Variants in BRI3 observed in about 807,000 individuals in gnomAD.
BRI3 encodes brain protein I3.
A neutral mutation model predicts 12.8 loss-of-function variants in BRI3; 6 were observed. The ratio of observed to expected loss-of-function variants is 0.47; its 90% confidence interval spans 0.26 to 0.93. BRI3 has a LOEUF of 0.93. Among genes scored for constraint, BRI3 ranks in the 40% least tolerant of loss-of-function variants. The pLI is 0.15. For missense variants in BRI3, 134 were observed against 171.1 expected (o/e 0.78, Z 1.21); for synonymous variants, 91 against 76.1 (o/e 1.20, Z -1.02).
At chr7:98,313,241 T>C (rs1800941567), downstream of BRI3, among the ~76,000 whole-genome samples, 1 of 152,014 alleles carries the variant, frequency 6.6e-6, no homozygotes, top group Non-Finnish European at 1.5e-5. Context: ...TGAGGCGCTT[T>C]AGCTGAATTA....
At chr7:98,302,468 G>A (rs769014384), upstream of BRI3, among the ~76,000 whole-genome samples, 18 of 152,140 alleles carry the variant, frequency 1.2e-4, no homozygotes, top group African/African-American at 4.1e-4. Flanking sequence ...ACGTCCACAC[G>A]TGCCTCCTCA....
intron 2 of BRI3, among the ~76,000 whole-genome samples, chr7:98,288,760 G>T (rs1410143343): frequency 6.6e-6 from 1 of 151,320 alleles, no homozygotes; most frequent in African/African-American, 2.4e-5. Context: ...ATACCACTGT[G>T]TCTGGCTAAT....
At chr7:98,285,646 C>A (rs1343456530) in intron 2 of BRI3, among the ~76,000 whole-genome samples, 2 of 152,184 alleles carry the variant, frequency 1.3e-5, no homozygotes, top group Non-Finnish European at 2.9e-5. Context: ...GGCCAAGTGG[C>A]ACTGCTGGGG....
chr7:98,312,413 C>T (rs773843329), downstream of BRI3: 2 of 811,158 alleles, frequency 2.5e-6, no homozygotes, highest in African/African-American at 3.5e-5. Flanking sequence ...GCACTTTAAG[C>T]ACCTAGAGGA....
At chr7:98,315,486 T>G in the BRI3 span, 1 of 1,502,628 alleles carries the variant, frequency 6.7e-7, no homozygotes, top group Non-Finnish European at 8.9e-7. Context: ...TGTATGTGGT[T>G]TGCAAAGCCA....
downstream of BRI3, among the ~76,000 whole-genome samples, chr7:98,310,768 C>T (rs185388288): frequency 1.3e-3 from 203 of 152,050 alleles, 1 homozygote; most frequent in African/African-American, 4.6e-3. Context: ...CTCACTGCAA[C>T]CTCCGCCTCC....
downstream of BRI3, chr7:98,293,498 C>G (rs1002092709): frequency 1.2e-6 from 2 of 1,606,522 alleles, no homozygotes; most frequent in Admixed American, 1.7e-5. Context: ...CGGAGAGGCC[C>G]GGGAGAGTCC....
chr7:98,302,900 A>G (rs1027070706), upstream of BRI3, among the ~76,000 whole-genome samples: 7 of 152,088 alleles, frequency 4.6e-5, no homozygotes, highest in African/African-American at 1.7e-4. Flanking sequence ...TCCTCCCACC[A>G]CAGCCTCCTG....
chr7:98,282,457 AGT>A lies in BRI3; in HGVS notation c.245+6_245+7del. On this transcript the variant is annotated splice_donor_5th_base_variant and intron_variant, in intron 2 of 2. Coordinates refer to ENST00000297290, the MANE Select transcript of BRI3 (RefSeq NM_015379.5). ...TAGGAGGCTGTCCTGTCTGCAGGTG[AGT>A]GGGTCTGCAGCCTGGGGACTGGCCC... is the stretch of plus-strand genomic sequence containing the variant. 1.2e-6 allele frequency: 2 copies of A among 1,611,432 alleles called. No homozygotes were observed. The highest frequency in any genetic ancestry group is 3.3e-4 in the Middle Eastern group (2 of 6,056).
chr7:98,315,453 C>T, the BRI3 span: 2 of 1,418,764 alleles, frequency 1.4e-6, no homozygotes, highest in South Asian at 3.4e-5. Flanking sequence ...TTTGCCACCA[C>T]ACCCACCTGT....
At chr7:98,323,343 C>T in the BRI3 span, 2 of 152,122 alleles carry the variant, frequency 1.3e-5, no homozygotes, top group Admixed American at 6.6e-5. Context: ...CAACAAAACC[C>T]GCTCCAGTTA....
intron 2 of BRI3, 144 bp from the exon 3 acceptor site, chr7:98,290,966 TG>T (rs1310237667): frequency 1.1e-5 from 8 of 700,508 alleles, no homozygotes; most frequent in African/African-American, 2.6e-5. Flanking sequence ...GGTGGTGGGG[TG>T]GGGGGCTGTT....
intron 1 of BRI3, chr7:98,306,985 CT>C (rs2116855843): frequency 6.2e-6 from 1 of 160,450 alleles, no homozygotes; most frequent in East Asian, 1.8e-4. Flanking sequence ...AACTGACAAG[CT>C]AGTTACAGGA....
At chr7:98,314,425 T>A (rs929808243), downstream of BRI3, among the ~76,000 whole-genome samples, 6 of 152,262 alleles carry the variant, frequency 3.9e-5, no homozygotes, top group South Asian at 1.2e-3. Flanking sequence ...ATTGGAACAC[T>A]CTCTAACTTT....
downstream of BRI3, among the ~76,000 whole-genome samples, chr7:98,311,830 C>A (rs953566326): frequency 3.2e-4 from 48 of 152,028 alleles, no homozygotes; most frequent in African/African-American, 1.1e-3. Context: ...CACTTGAACC[C>A]GGGAGGTGGA....
At chr7:98,307,372 C>T (rs1800698252) in intron 1 of BRI3, 2 of 1,162,236 alleles carry the variant, frequency 1.7e-6, no homozygotes, top group Admixed American at 8.3e-5. Context: ...TCCCAAAGTG[C>T]TGGGATTACA....
chr7:98,291,953 A>G (rs1318105225), downstream of BRI3: 1 of 152,996 alleles, frequency 6.5e-6, no homozygotes, highest in Non-Finnish European at 1.5e-5. Flanking sequence ...GAACACGGCC[A>G]TGGGGCTTGT....
downstream of BRI3, chr7:98,293,658 A>G: frequency 5.3e-6 from 8 of 1,511,234 alleles, no homozygotes; most frequent in Non-Finnish European, 7.4e-6. Context: ...GGATTTTAAC[A>G]GTGCTAATAA....
At chr7:98,288,489 A>T (rs6465662) in intron 2 of BRI3, among the ~76,000 whole-genome samples, 61,799 of 151,370 alleles carry the variant, frequency 0.41, 13,603 homozygotes, top group Middle Eastern at 0.54. Flanking sequence ...TAGGGGACAC[A>T]TTTGTAAAAG....
Sources: allele counts gnomAD v4.1 joint callset (sites outside exome capture counted in the v4.1 genomes callset), GRCh38; gene constraint gnomAD v4.1.1; transcripts MANE v1.5; gene names NCBI Gene and HGNC (gene_info 2026-07-23, HGNC 2026-07-21).